Variants in PDE1A observed in about 807,000 individuals in gnomAD.
PDE1A encodes the protein dual specificity calcium/calmodulin-dependent 3',5'-cyclic nucleotide phosphodiesterase 1A.
Under a neutral mutation model 61.7 loss-of-function variants are expected in PDE1A, and 35 were observed. That is an observed-to-expected ratio of 0.57 (90% CI 0.43 to 0.75). The LOEUF is 0.75. Ranked by LOEUF, PDE1A falls within the 30% of genes least tolerant of loss-of-function variation. PDE1A has a pLI of 0.00. For missense variants in PDE1A, 597 were observed against 630.6 expected, an observed-to-expected ratio of 0.95 and a Z score of 0.57; for synonymous variants, 232 against 213.2, an observed-to-expected ratio of 1.09 and a Z score of -0.77.
chr2:182,666,294 G>A, the PDE1A span, among the ~76,000 whole-genome samples: 1 of 152,140 alleles, frequency 6.6e-6, no homozygotes, highest in African/African-American at 2.4e-5. Context: ...TTGGCTTAAC[G>A]AATTAAAGAT....
intron 7 of PDE1A, among the ~76,000 whole-genome samples, chr2:182,208,760 T>G (rs4666820): frequency 0.72 from 109,474 of 152,092 alleles, 39,676 homozygotes; most frequent in East Asian, 0.91. Context: ...TTATTTGGGG[T>G]CTTTAAGATT....
At position 182,426,735 on chromosome 2, in the gene PDE1A, A is replaced by G. The variant is rs921869612; in HGVS notation, c.-105T>C. 8.8e-5 allele frequency: 138 copies of G among 1,568,450 alleles called. 2 individuals carry two copies. In the South Asian group the frequency reaches 1.5e-3, roughly 17 times the overall value. ...ATTGTGCTGCAAGGAGCCCAGAAAG[A>G]AAAAGTAGTTTCCTCTTTCTCTTTT... is the stretch of plus-strand genomic sequence containing the variant. On this transcript the variant is annotated 5_prime_UTR_variant, in exon 1 of 14. Transcript: ENST00000351439.
chr2:182,344,915 T>G (rs1235617313), intron 1 of PDE1A, among the ~76,000 whole-genome samples: 8 of 152,078 alleles, frequency 5.3e-5, no homozygotes, highest in Non-Finnish European at 1.2e-4. Flanking sequence ...AAACCCACAA[T>G]CTGTAAATGG....
Position 182,354,111 on chromosome 2 carries a change from T to C in PDE1A, c.53+72467A>G, listed in dbSNP as rs1406949566. On this transcript the variant is annotated intron_variant, in intron 1 of 13. Transcript: ENST00000351439. ...AAAGATGACATGGAGTAGAACCCCC[T>C]GCCAATCTTCAACTGATAATTGACA... Among the ~76,000 whole-genome samples the C allele has an allele frequency of 2.0e-5, 3 of 152,230 alleles. No homozygotes were observed. In the East Asian group the frequency reaches 5.8e-4, roughly 29 times the overall value.
At chr2:182,149,925 C>T (rs978795408) in intron 13 of PDE1A, among the ~76,000 whole-genome samples, 1 of 152,026 alleles carries the variant, frequency 6.6e-6, no homozygotes, top group East Asian at 1.9e-4. Flanking sequence ...TATATGATTA[C>T]TAAGAATTCT....
At chr2:182,582,983 G>A in the PDE1A span, among the ~76,000 whole-genome samples, 1 of 152,122 alleles carries the variant, frequency 6.6e-6, no homozygotes, top group Non-Finnish European at 1.5e-5. Context: ...GCTTGAACCA[G>A]ACCTTTAAAA....
chr2:182,485,585 A>T (rs1425714260), intron 2 of PDE1A, among the ~76,000 whole-genome samples: 1 of 152,074 alleles, frequency 6.6e-6, no homozygotes, highest in Non-Finnish European at 1.5e-5. Flanking sequence ...TTTGTGAAAG[A>T]TGCAGAAAAC....
chr2:182,620,814 C>T, the PDE1A span, among the ~76,000 whole-genome samples: 381 of 152,180 alleles, frequency 2.5e-3, 1 homozygote, highest in African/African-American at 8.6e-3. Flanking sequence ...CATTTGAGTT[C>T]GCAACTCCAG....
At chr2:182,434,135 CTT>C (rs952836514) in intron 2 of PDE1A, among the ~76,000 whole-genome samples, 4 of 152,074 alleles carry the variant, frequency 2.6e-5, no homozygotes, top group Admixed American at 2.6e-4. Context: ...GAACATGTAA[CTT>C]ACCCTGACTA....
At chr2:182,230,296 A>G in intron 5 of PDE1A, 150 bp from the exon 6 acceptor site, 1 of 605,578 alleles carries the variant, frequency 1.7e-6, no homozygotes, top group East Asian at 2.8e-5. Flanking sequence ...AAACCACTTC[A>G]TGAACATGTT....
intron 1 of PDE1A, among the ~76,000 whole-genome samples, chr2:182,360,373 C>T (rs1032414630): frequency 6.6e-6 from 1 of 152,080 alleles, no homozygotes; most frequent in Admixed American, 6.6e-5. Context: ...CCCGTTTAAT[C>T]TAACTCAGTT....
intron 1 of PDE1A, among the ~76,000 whole-genome samples, chr2:182,391,776 T>C (rs1466259073): frequency 6.6e-6 from 1 of 152,220 alleles, no homozygotes; most frequent in African/African-American, 2.4e-5. Context: ...ATCAGAATAG[T>C]CTGATTCATG....
the PDE1A span, among the ~76,000 whole-genome samples, chr2:182,640,742 G>A: frequency 3.9e-5 from 6 of 152,062 alleles, no homozygotes; most frequent in East Asian, 1.9e-4. Context: ...TATGCAGGCC[G>A]GGTGCAGTGG....
At chr2:182,586,178 G>T in the PDE1A span, among the ~76,000 whole-genome samples, 2 of 152,034 alleles carry the variant, frequency 1.3e-5, no homozygotes, top group Admixed American at 1.3e-4. Flanking sequence ...TATTCAAATA[G>T]AATATTATTT....
chr2:182,334,306 A>C (rs1000800974), intron 1 of PDE1A, among the ~76,000 whole-genome samples: 3 of 151,126 alleles, frequency 2.0e-5, no homozygotes, highest in South Asian at 2.1e-4. Context: ...ACACACACAC[A>C]CCAAAAAAAA....
At chr2:182,147,188 AAAT>A in intron 13 of PDE1A, 36 bp from the exon 14 acceptor site, 1 of 1,295,574 alleles carries the variant, frequency 7.7e-7, no homozygotes, top group Non-Finnish European at 1.1e-6. Flanking sequence ...AAACAAAACA[AAAT>A]AAGGCTTTGG....
chr2:182,344,372 T>C (rs763645370), intron 1 of PDE1A, among the ~76,000 whole-genome samples: 16 of 152,178 alleles, frequency 1.1e-4, no homozygotes, highest in Non-Finnish European at 2.4e-4. Flanking sequence ...ACATTGTATG[T>C]TGATTTGCTC....
At chr2:182,469,958 C>T (rs1246416296) in intron 2 of PDE1A, among the ~76,000 whole-genome samples, 1 of 151,634 alleles carries the variant, frequency 6.6e-6, no homozygotes, top group Non-Finnish European at 1.5e-5. Context: ...GTGGTTGGTG[C>T]CCCACAACAA....
intron 1 of PDE1A, among the ~76,000 whole-genome samples, chr2:182,422,333 A>AT (rs934331340): frequency 1.3e-5 from 2 of 152,222 alleles, no homozygotes; most frequent in Admixed American, 1.3e-4. Context: ...TTTTAAATTC[A>AT]TTTTTTCACT....
Sources: allele counts gnomAD v4.1 joint callset (sites outside exome capture counted in the v4.1 genomes callset), GRCh38; gene constraint gnomAD v4.1.1; transcripts MANE v1.5; gene names NCBI Gene and HGNC (gene_info 2026-07-23, HGNC 2026-07-21).